MCM9: variants seen among roughly 807,000 people sequenced by gnomAD.
The protein encoded by MCM9 is minichromosome maintenance 9 homologous recombination repair factor, also known as DNA helicase MCM9.
MCM9 carries 55 observed loss-of-function variants against 72.8 expected under a neutral mutation model. That is an observed-to-expected ratio of 0.76 (90% CI 0.61 to 0.95). The LOEUF (loss-of-function observed/expected upper bound fraction) is 0.95. MCM9 is among the 40% of genes least tolerant of loss of function. The probability of loss-of-function intolerance (pLI) is 0.00; values close to 1 mark genes in which losing one functional copy is unlikely to be tolerated. For missense variants in MCM9, 1,279 were observed against 1,377.0 expected, an observed-to-expected ratio of 0.93 and a Z score of 1.13; for synonymous variants, 480 against 503.4, an observed-to-expected ratio of 0.95 and a Z score of 0.62.
chr6:118,843,377 C>T (rs917306299), intron 9 of MCM9, among the ~76,000 whole-genome samples: 10 of 151,240 alleles, frequency 6.6e-5, no homozygotes, highest in Non-Finnish European at 8.8e-5. Context: ...ACCTGTAATC[C>T]CAGCACTTTG....
At chr6:118,872,546 A>C (rs1268752738) in intron 8 of MCM9, among the ~76,000 whole-genome samples, 1 of 152,126 alleles carries the variant, frequency 6.6e-6, no homozygotes, top group East Asian at 1.9e-4. Context: ...CAGGAGTTCA[A>C]GGCTGTAGTG....
At position 118,907,787 on chromosome 6, in the gene MCM9, C is replaced by T. The variant is rs1250429448; in HGVS notation, c.1150+3863G>A. The T allele has an allele frequency of 7.4e-6, 4 of 543,908 alleles. No homozygotes were observed. The African/African-American group carries it at 7.6e-5, about 10-fold the overall frequency. 33.7% of individuals were successfully genotyped at this position (543,908 alleles called of 1,614,324 possible). ...AACAAATTGTGGAATATAAATACAA[C>T]TATTTTTAAGTAATTTTTTTCTCTA... On this transcript the variant is annotated intron_variant, in intron 8 of 13. Coordinates refer to ENST00000619706, the MANE Select transcript of MCM9 (RefSeq NM_017696.3).
At chr6:118,929,280 C>T (rs140374502) in intron 3 of MCM9, among the ~76,000 whole-genome samples, 1 of 152,266 alleles carries the variant, frequency 6.6e-6, no homozygotes, top group Non-Finnish European at 1.5e-5. Flanking sequence ...TTCCATTAAG[C>T]TCCCATACAA....
At chr6:118,883,447 A>G (rs961010963) in intron 8 of MCM9, among the ~76,000 whole-genome samples, 2 of 74,794 alleles carry the variant, frequency 2.7e-5, no homozygotes, top group African/African-American at 6.6e-5. Flanking sequence ...AAACTCTCCA[A>G]ATTTGATGAA....
intron 7 of MCM9, 148 bp downstream of exon 7, chr6:118,913,147 C>CT (rs1194877427): frequency 1.2e-6 from 1 of 855,908 alleles, no homozygotes. Flanking sequence ...AGATGCTAGA[C>CT]TAAGTATAAG....
intron 9 of MCM9, among the ~76,000 whole-genome samples, chr6:118,834,343 T>A (rs1774803037): frequency 6.6e-6 from 1 of 152,300 alleles, no homozygotes; most frequent in East Asian, 1.9e-4. Flanking sequence ...GTCTTTATAG[T>A]AGAATGATTC....
chr6:118,892,960 T>C (rs2114464733), intron 8 of MCM9, among the ~76,000 whole-genome samples: 1 of 152,298 alleles, frequency 6.6e-6, no homozygotes, highest in Admixed American at 6.5e-5. Flanking sequence ...TTCTGGGCAC[T>C]ATACTAAGAG....
intron 8 of MCM9, among the ~76,000 whole-genome samples, chr6:118,882,118 G>A (rs1242098586): frequency 6.6e-6 from 1 of 152,180 alleles, no homozygotes; most frequent in Non-Finnish European, 1.5e-5. Flanking sequence ...TACCCTAGGT[G>A]TGACAGGCAA....
chr6:118,905,956 C>T, intron 8 of MCM9: 2 of 612,944 alleles, frequency 3.3e-6, no homozygotes, highest in Admixed American at 6.8e-5. Context: ...CTTATGCCAA[C>T]TGGGCAAACT....
At chr6:118,879,582 G>A (rs1778153682) in intron 8 of MCM9, among the ~76,000 whole-genome samples, 1 of 152,102 alleles carries the variant, frequency 6.6e-6, no homozygotes, top group South Asian at 2.1e-4. Context: ...TACTGTCTAT[G>A]GCTGCTTTCA....
chr6:118,875,621 G>C (rs954762216), intron 8 of MCM9, among the ~76,000 whole-genome samples: 2 of 149,858 alleles, frequency 1.3e-5, no homozygotes, highest in African/African-American at 4.9e-5. Context: ...GGGCAACAGA[G>C]TGAGACCCTG....
At chr6:118,899,300 T>G (rs1779647314) in intron 8 of MCM9, among the ~76,000 whole-genome samples, 1 of 152,030 alleles carries the variant, frequency 6.6e-6, no homozygotes, top group African/African-American at 2.4e-5. Context: ...AAAGCCAGAG[T>G]CCTTATGATG....
chr6:118,836,343 G>A (rs945179935), intron 9 of MCM9, among the ~76,000 whole-genome samples: 1 of 152,236 alleles, frequency 6.6e-6, no homozygotes, highest in African/African-American at 2.4e-5. Context: ...TTTGATAGCA[G>A]AATGATGCTG....
rs142479707 is a variant in MCM9 at position 118,841,419 on chromosome 6, C to T, written c.1326-12169G>A. On this transcript the variant is annotated intron_variant, in intron 9 of 13. Coordinates refer to ENST00000619706, the MANE Select transcript of MCM9 (RefSeq NM_017696.3). ...ACCAGAGACTAGACTGTGAAGACTA[C>T]CACCACAGATACAGCTTCATAAGAT... Among the ~76,000 whole-genome samples the T allele has an allele frequency of 1.8e-3, 277 of 152,276 alleles. 1 individual carries two copies. Among genetic ancestry groups the T allele is most frequent in the Middle Eastern group, 0.01 (3 of 294 alleles).
intron 8 of MCM9, among the ~76,000 whole-genome samples, chr6:118,868,306 A>T (rs568785609): frequency 9.2e-5 from 14 of 152,354 alleles, no homozygotes; most frequent in African/African-American, 2.9e-4. Flanking sequence ...AGGAAAAATA[A>T]AAGTGTAGAC....
chr6:118,820,046 A>G (rs949959445), intron 13 of MCM9, among the ~76,000 whole-genome samples: 2 of 151,812 alleles, frequency 1.3e-5, no homozygotes, highest in South Asian at 2.1e-4. Context: ...CGGTCTATCT[A>G]TTTTGTTAAT....
chr6:118,833,197 T>C lies in MCM9; in HGVS notation c.1326-3947A>G, dbSNP rs144554675. Among the ~76,000 whole-genome samples, 1,148 of 152,228 alleles carry C rather than the reference T, an allele frequency of 7.5e-3. 8 individuals are homozygous for C. The highest frequency in any genetic ancestry group is 0.028 in the South Asian group (137 of 4,820). ...TCAGACTGACACGAACAAGAAAAAC[T>C]TCCTTCGGCAAAGCATTGCAGGCAC... On this transcript the variant is annotated intron_variant, in intron 9 of 13. Transcript: ENST00000619706.
At chr6:118,816,599 G>T (rs751069936) in intron 13 of MCM9, among the ~76,000 whole-genome samples, 5 of 152,124 alleles carry the variant, frequency 3.3e-5, no homozygotes, top group Non-Finnish European at 7.4e-5. Flanking sequence ...ATTTAAGATT[G>T]TTTGAAGATC....
intron 6 of MCM9, 122 bp downstream of exon 6, chr6:118,917,439 C>T: frequency 1.0e-6 from 1 of 964,626 alleles, no homozygotes; most frequent in Non-Finnish European, 1.6e-6. Flanking sequence ...ATGACTAATC[C>T]TACCCTTTAA....
Sources: gnomAD v4.1 joint callset for allele counts (sites outside exome capture counted in the v4.1 genomes callset) on GRCh38, gnomAD v4.1.1 for gene constraint, MANE v1.5 for transcripts, NCBI Gene and HGNC (gene_info 2026-07-23, HGNC 2026-07-21) for gene names.